Variants in SLC38A11 observed in about 807,000 individuals in gnomAD.
SLC38A11 encodes the protein putative sodium-coupled neutral amino acid transporter 11.
In SLC38A11, 51 loss-of-function variants were observed where a neutral mutation model predicts 49.4. The ratio of observed to expected loss-of-function variants is 1.03; its 90% CI spans 0.83 to 1.30. SLC38A11 has a LOEUF of 1.30. Among genes scored for constraint, SLC38A11 ranks in the 50% most tolerant of loss-of-function variants. The pLI is 0.00. For missense variants in SLC38A11, 574 were observed against 556.2 expected (o/e 1.03, Z -0.32); for synonymous variants, 203 against 192.9 (o/e 1.05, Z -0.43).
intron 6 of SLC38A11, among the ~76,000 whole-genome samples, chr2:164,937,892 G>C (rs527333863): frequency 2.7e-5 from 4 of 146,012 alleles, no homozygotes; most frequent in African/African-American, 1.0e-4. Context: ...TTTTTTTTTT[G>C]AGGAGGGGTA....
intron 7 of SLC38A11, among the ~76,000 whole-genome samples, chr2:164,918,154 C>A (rs144943362): frequency 1.8e-4 from 28 of 151,452 alleles, no homozygotes; most frequent in African/African-American, 6.3e-4. Context: ...GATACTCAAC[C>A]TGGATGGAAA....
At chr2:164,948,654 A>G (rs1688301422) in intron 3 of SLC38A11, among the ~76,000 whole-genome samples, 1 of 152,166 alleles carries the variant, frequency 6.6e-6, no homozygotes, top group Admixed American at 6.5e-5. Flanking sequence ...AAACATGAAC[A>G]CCTACCTCAG....
intron 11 of SLC38A11, among the ~76,000 whole-genome samples, chr2:164,900,971 A>T (rs1050264512): frequency 6.6e-6 from 1 of 151,930 alleles, no homozygotes; most frequent in East Asian, 1.9e-4. Context: ...TTTGGAATTG[A>T]TTTTTGTGTA....
chr2:164,911,016 T>C (rs1055376623), intron 10 of SLC38A11, among the ~76,000 whole-genome samples: 1 of 151,776 alleles, frequency 6.6e-6, no homozygotes, highest in Non-Finnish European at 1.5e-5. Flanking sequence ...ATATCCTATA[T>C]ATTTGTTATT....
intron 8 of SLC38A11, 62 bp downstream of exon 8, chr2:164,915,841 G>A: frequency 8.1e-7 from 1 of 1,241,056 alleles, no homozygotes; most frequent in Non-Finnish European, 1.2e-6. Flanking sequence ...ATGAAACACA[G>A]CACTTTTTCA....
At chr2:164,950,814 AAAT>A (rs1688471144) in intron 3 of SLC38A11, among the ~76,000 whole-genome samples, 1 of 152,202 alleles carries the variant, frequency 6.6e-6, no homozygotes, top group Non-Finnish European at 1.5e-5. Flanking sequence ...TTAAAAGGCA[AAAT>A]AATAATTCTA....
chr2:164,915,253 A>G lies in SLC38A11; in HGVS notation c.709T>C (p.Ser237Pro). ...TCTAGAGAACTGTAAACTAAGAAGGAGTTATGGTGGCAAATAAATGCTGCA... is the reference window on the plus strand; with the variant it reads ...TCTAGAGAACTGTAAACTAAGAAGGGGTTATGGTGGCAAATAAATGCTGCA... Reference protein sequence around the residue: ...MSFAFICHHNSFLVYSSLEEP... With the variant: ...MSFAFICHHNPFLVYSSLEEP... The change falls in exon 9 of 12, where the codon TCC (serine) becomes CCC (proline). Residue 237 changes from serine (S) to proline (P), a missense_variant. Transcript: ENST00000685975. The G allele has an allele frequency of 6.2e-7, 1 of 1,600,420 alleles. No individual in the cohort carries two copies. The highest frequency in any genetic ancestry group is 8.5e-7 in the Non-Finnish European group (1 of 1,175,516).
At chr2:164,928,296 C>T (rs1298938473) in intron 7 of SLC38A11, among the ~76,000 whole-genome samples, 1 of 152,104 alleles carries the variant, frequency 6.6e-6, no homozygotes, top group Non-Finnish European at 1.5e-5. Context: ...TGAAAGTAGC[C>T]TTAGGCAAAT....
At chr2:164,919,084 C>A (rs1372288745) in intron 7 of SLC38A11, among the ~76,000 whole-genome samples, 1 of 152,094 alleles carries the variant, frequency 6.6e-6, no homozygotes, top group Non-Finnish European at 1.5e-5. Flanking sequence ...CGCCTGAAAT[C>A]CCTGCACTTT....
In SLC38A11 at chr2:164,898,726, A is replaced by G. The variant is rs748169401; in HGVS notation, c.1100T>C (p.Val367Ala). 6.2e-7 allele frequency: 1 copy of G among 1,607,354 alleles called. No individual in the cohort carries two copies. Among genetic ancestry groups the G allele is most frequent in the Non-Finnish European group, 8.5e-7 (1 of 1,175,320 alleles). The change falls in exon 12 of 12, where the codon GTG becomes GCG. Residue 367 changes from valine (V) to alanine (A), a missense_variant. Coordinates refer to ENST00000685975, the MANE Select transcript of SLC38A11 (RefSeq NM_001351537.2). ...AAAAATGAGGGGAGTTGCACAGAGC[A>G]CACCCTGCATGTTGAAAACAAGAAA... ...CLGIVLELNG[V>A]LCATPLIFII...
At chr2:164,918,424 A>G (rs879474444) in intron 7 of SLC38A11, among the ~76,000 whole-genome samples, 2 of 152,184 alleles carry the variant, frequency 1.3e-5, no homozygotes, top group Admixed American at 1.3e-4. Context: ...AGAAAAGCAT[A>G]CAACTCAGTA....
intron 3 of SLC38A11, among the ~76,000 whole-genome samples, chr2:164,947,117 CTTTTTTTTTTTTTTTTTTTTT>C (rs200284770): frequency 2.9e-4 from 21 of 72,900 alleles, no homozygotes; most frequent in Middle Eastern, 0.011. Context: ...TTTTTTATCT[CTTTTTTTTTTTTTTTTTTTTT>C]TTTTTTTTTT....
chr2:164,939,987 T>A (rs1353523395), intron 5 of SLC38A11, among the ~76,000 whole-genome samples: 1 of 118,880 alleles, frequency 8.4e-6, no homozygotes, highest in African/African-American at 3.1e-5. Context: ...ATGATGCATT[T>A]TCTAAGGTTT....
chr2:164,954,589 T>C, intron 2 of SLC38A11, 42 bp downstream of exon 2: 1 of 929,542 alleles, frequency 1.1e-6, no homozygotes, highest in Non-Finnish European at 1.6e-6. Context: ...TCTTAAATTT[T>C]GCCCTTTCAC....
intron 5 of SLC38A11, among the ~76,000 whole-genome samples, chr2:164,941,628 T>C (rs1687771607): frequency 6.6e-6 from 1 of 152,166 alleles, no homozygotes; most frequent in Non-Finnish European, 1.5e-5. Context: ...ATTAGCCTTT[T>C]CTATAATATT....
rs767369122 is a variant in SLC38A11 at position 164,945,647 on chromosome 2, C to T, written c.310G>A (p.Gly104Ser). 50 of 1,611,178 alleles carry T rather than the reference C, an allele frequency of 3.1e-5. No homozygotes were observed. Among genetic ancestry groups the T allele is most frequent in the South Asian group, 5.5e-5 (5 of 90,264 alleles). The change falls in exon 4 of 12, where the codon GGC becomes AGC. Residue 104 changes from glycine to serine, a missense_variant. By Grantham distance (56) the Gly-to-Ser change is moderately conservative (BLOSUM62 0). Coordinates refer to ENST00000685975, the MANE Select transcript of SLC38A11 (RefSeq NM_001351537.2). ...TYQSLVNKTF[G>S]FPGYLLLSVL... ...GAGAGGAGCAGATACCCTGGAAAGC[C>T]GAAAGTTTTATTGACCAAAGACTGG...
At chr2:164,939,040 C>T (rs981522857) in intron 6 of SLC38A11, among the ~76,000 whole-genome samples, 2 of 152,034 alleles carry the variant, frequency 1.3e-5, no homozygotes, top group Non-Finnish European at 1.5e-5. Context: ...GCACAATAGA[C>T]ATTGTAATTT....
chr2:164,942,442 A>AAAC (rs1014117947), intron 5 of SLC38A11, among the ~76,000 whole-genome samples: 1 of 151,454 alleles, frequency 6.6e-6, no homozygotes, highest in Non-Finnish European at 1.5e-5. Flanking sequence ...CAAAAAAAAA[A>AAAC]AAAAACAAAA....
intron 5 of SLC38A11, among the ~76,000 whole-genome samples, chr2:164,943,044 A>T (rs1013047096): frequency 3.9e-5 from 6 of 152,118 alleles, no homozygotes; most frequent in Admixed American, 6.6e-5. Context: ...GTTTTGTTTC[A>T]TTTTGTTTTG....
Sources: gnomAD v4.1 joint callset for allele counts (sites outside exome capture counted in the v4.1 genomes callset) on GRCh38, gnomAD v4.1.1 for gene constraint, MANE v1.5 for transcripts, NCBI Gene and HGNC (gene_info 2026-07-23, HGNC 2026-07-21) for gene names.